Variants in CNTNAP3B observed in about 807,000 individuals in gnomAD.
The protein encoded by CNTNAP3B is contactin associated protein family member 3B, also known as contactin-associated protein-like 3B.
A neutral mutation model predicts 108.9 loss-of-function variants in CNTNAP3B; 25 were observed. That is an observed-to-expected ratio of 0.23 (90% CI 0.17 to 0.32). The LOEUF (loss-of-function observed/expected upper bound fraction) is 0.32, where lower values mean the gene tolerates loss of function less well. CNTNAP3B is among the 10% of genes least tolerant of loss of function. CNTNAP3B has a pLI of 1.00. For missense variants in CNTNAP3B, 252 were observed against 1,210.4 expected (o/e 0.21, Z 11.75); for synonymous variants, 103 against 473.4 (o/e 0.22, Z 10.16).
At chr9:42,128,172 G>A (rs1488427381) in intron 1 of CNTNAP3B, among the ~76,000 whole-genome samples, 1 of 138,786 alleles carries the variant, frequency 7.2e-6, no homozygotes, top group African/African-American at 2.9e-5. Context: ...AATGTGCAAT[G>A]TTGTGTAAAC....
At chr9:42,063,843 T>G (rs1827216615) in intron 3 of CNTNAP3B, among the ~76,000 whole-genome samples, 1 of 150,158 alleles carries the variant, frequency 6.7e-6, no homozygotes. Flanking sequence ...CACCTCGGCC[T>G]CCCAAAGCGC....
intron 2 of CNTNAP3B, among the ~76,000 whole-genome samples, chr9:42,096,955 T>C (rs1237297103): frequency 3.0e-5 from 4 of 131,346 alleles, no homozygotes; most frequent in Non-Finnish European, 6.4e-5. Context: ...GTTTTGATGT[T>C]GCCCAGGCTG....
chr9:41,928,711 C>T (rs1823889830), intron 15 of CNTNAP3B, among the ~76,000 whole-genome samples: 1 of 150,918 alleles, frequency 6.6e-6, no homozygotes, highest in Non-Finnish European at 1.5e-5. Context: ...GGGTAAGAAA[C>T]ACTATTACAA....
At chr9:42,042,798 ACTT>A (rs1255883874) in intron 3 of CNTNAP3B, among the ~76,000 whole-genome samples, 1 of 129,476 alleles carries the variant, frequency 7.7e-6, no homozygotes, top group Non-Finnish European at 1.6e-5. Context: ...CCATTGAGTA[ACTT>A]CTTTTTACCT....
chr9:41,933,033 C>T (rs1298683972), intron 14 of CNTNAP3B, among the ~76,000 whole-genome samples: 6 of 152,298 alleles, frequency 3.9e-5, no homozygotes, highest in Non-Finnish European at 8.8e-5. Flanking sequence ...TAAAAATTAT[C>T]TTGCTTATCC....
Position 41,951,951 on chromosome 9 carries a change from C to T in CNTNAP3B, c.2080+1232G>A, listed in dbSNP as rs1378655002. ...AATTAGCCGGGCGTGGCGGCACCCG[C>T]CTGTATTCTCAGCTATTCAGGAGGC... On this transcript the variant is annotated intron_variant, in intron 13 of 23. Transcript: ENST00000377561. 4.6e-5 allele frequency among the ~76,000 whole-genome samples: 7 copies of T among 152,362 alleles called. No homozygotes were observed. In the East Asian group the frequency reaches 7.7e-4, roughly 17 times the overall value.
At chr9:42,118,194 G>A (rs1828366967) in intron 1 of CNTNAP3B, among the ~76,000 whole-genome samples, 1 of 139,408 alleles carries the variant, frequency 7.2e-6, no homozygotes, top group Non-Finnish European at 1.5e-5. Context: ...GCATCATCCT[G>A]ATACCAAAGC....
chr9:41,937,339 C>A (rs1270296467), intron 14 of CNTNAP3B, among the ~76,000 whole-genome samples: 1 of 151,938 alleles, frequency 6.6e-6, no homozygotes, highest in Non-Finnish European at 1.5e-5. Flanking sequence ...ATTGGCCAGG[C>A]TGGTCTCAAC....
chr9:41,968,830 C>T (rs1277017751), intron 10 of CNTNAP3B, among the ~76,000 whole-genome samples: 1 of 149,426 alleles, frequency 6.7e-6, no homozygotes, highest in Non-Finnish European at 1.5e-5. Context: ...AAGAGTCTGG[C>T]TCTGTTGCCC....
rs1471955973 is a variant in CNTNAP3B at position 42,112,152 on chromosome 9, C to A, written c.86-7413G>T. Reference sequence around the variant, plus strand: ...GTTTCCTGAATGTGGGATGCATGCACCAATGCTCCTTGACCGCTCACCCGA... The same window carrying A: ...GTTTCCTGAATGTGGGATGCATGCAACAATGCTCCTTGACCGCTCACCCGA... On this transcript the variant is annotated intron_variant, in intron 1 of 23. Coordinates refer to ENST00000377561, the MANE Select transcript of CNTNAP3B (RefSeq NM_001201380.3). Among the ~76,000 whole-genome samples, 3 of 140,022 alleles carry A rather than the reference C, an allele frequency of 2.1e-5. 1 individual carries two copies. The highest frequency in any genetic ancestry group is 3.5e-3 in the Middle Eastern group (1 of 288). 91.9% of individuals were successfully genotyped at this position (140,022 alleles called of 152,430 possible). A position where few individuals can be genotyped will look rare whatever the true frequency, so the allele number is the denominator to read the frequency against.
chr9:42,111,720 T>C (rs1192282478), intron 1 of CNTNAP3B, among the ~76,000 whole-genome samples: 2 of 138,720 alleles, frequency 1.4e-5, no homozygotes, highest in African/African-American at 5.8e-5. Flanking sequence ...GCCCCCACCC[T>C]TATCTTCCCT....
chr9:42,112,481 A>T (rs1828213637), intron 1 of CNTNAP3B, among the ~76,000 whole-genome samples: 1 of 138,850 alleles, frequency 7.2e-6, no homozygotes, highest in Admixed American at 7.2e-5. Flanking sequence ...TGGGGTGAGG[A>T]AGAGAGACTG....
chr9:41,993,328 T>C (rs1825841324), intron 7 of CNTNAP3B: 1 of 124,116 alleles, frequency 8.1e-6, no homozygotes, highest in South Asian at 2.6e-4. Flanking sequence ...TTAAAAAATT[T>C]TGTCCCAACA....
intron 3 of CNTNAP3B, among the ~76,000 whole-genome samples, chr9:42,070,677 C>T (rs1827355327): frequency 6.6e-6 from 1 of 152,144 alleles, no homozygotes; most frequent in Admixed American, 6.5e-5. Context: ...TCTCTCATAG[C>T]AGGTACCGAG....
At chr9:41,992,147 A>G (rs1488980172) in intron 7 of CNTNAP3B, among the ~76,000 whole-genome samples, 16 of 125,832 alleles carry the variant, frequency 1.3e-4, no homozygotes, top group African/African-American at 3.6e-4. Context: ...TTAGTTCAAC[A>G]GGAGTTTAAT....
chr9:42,075,455 C>T lies in CNTNAP3B; in HGVS notation c.390+1414G>A, dbSNP rs1168409463. ...CAGTGAAGCTCAACACGCTCCTACA[C>T]GAGGTAAGATCATGAGAGTTGACAT... is the stretch of plus-strand genomic sequence containing the variant. On this transcript the variant is annotated intron_variant, in intron 3 of 23. Coordinates refer to ENST00000377561, the MANE Select transcript of CNTNAP3B (RefSeq NM_001201380.3). Among the ~76,000 whole-genome samples, 5 of 137,574 alleles carry T rather than the reference C, an allele frequency of 3.6e-5. 1 individual carries two copies. The highest frequency in any genetic ancestry group is 6.2e-5 in the Non-Finnish European group (4 of 64,482). 90.3% of individuals were successfully genotyped at this position (137,574 alleles called of 152,430 possible). A position where few individuals can be genotyped will look rare whatever the true frequency, so the allele number is the denominator to read the frequency against.
chr9:41,931,189 A>T (rs1273966648), intron 14 of CNTNAP3B, among the ~76,000 whole-genome samples: 3 of 152,288 alleles, frequency 2.0e-5, no homozygotes, highest in African/African-American at 4.8e-5. Context: ...AATTAAAAAA[A>T]ATTAAATTGG....
chr9:42,123,650 A>G (rs1427293688), intron 1 of CNTNAP3B, among the ~76,000 whole-genome samples: 1 of 136,588 alleles, frequency 7.3e-6, no homozygotes, highest in East Asian at 2.2e-4. Flanking sequence ...AAAGATTCCC[A>G]ATATGTATAT....
intron 3 of CNTNAP3B, among the ~76,000 whole-genome samples, chr9:42,075,998 G>T (rs1471394286): frequency 7.5e-6 from 1 of 132,790 alleles, no homozygotes; most frequent in East Asian, 2.2e-4. Context: ...AGCTGCAAAA[G>T]TCAAACAAAA....
Sources: gnomAD v4.1 joint callset for allele counts (sites outside exome capture counted in the v4.1 genomes callset) on GRCh38, gnomAD v4.1.1 for gene constraint, MANE v1.5 for transcripts, NCBI Gene and HGNC (gene_info 2026-07-23, HGNC 2026-07-21) for gene names.